PLPPR1: variants seen among roughly 807,000 people sequenced by gnomAD.
PLPPR1 encodes phospholipid phosphatase-related protein type 1.
PLPPR1 carries 10 observed loss-of-function variants against 33.1 expected under a neutral mutation model. The ratio of observed to expected loss-of-function variants is 0.30; its 90% CI spans 0.19 to 0.51. PLPPR1 has a LOEUF of 0.51. Ranked by LOEUF, PLPPR1 falls within the 20% of genes least tolerant of loss-of-function variation. The probability of loss-of-function intolerance (pLI) is 0.97; values close to 1 mark genes in which losing one functional copy is unlikely to be tolerated. For missense variants in PLPPR1, 304 were observed against 408.1 expected, an observed-to-expected ratio of 0.74 and a Z score of 2.20; for synonymous variants, 151 against 151.0, an observed-to-expected ratio of 1.00 and a Z score of 0.00.
intron 3 of PLPPR1, 25 bp downstream of exon 3, chr9:101,270,093 C>G (rs1453324905): frequency 6.2e-7 from 1 of 1,609,386 alleles, no homozygotes; most frequent in Non-Finnish European, 8.5e-7. Flanking sequence ...AGACTTTCCT[C>G]TTTATTGTCA....
chr9:101,222,915 A>T (rs1826975795), intron 2 of PLPPR1, among the ~76,000 whole-genome samples: 1 of 151,878 alleles, frequency 6.6e-6, no homozygotes, highest in African/African-American at 2.4e-5. Context: ...AAGCACCAGG[A>T]CTTTAAGTGT....
intron 1 of PLPPR1, among the ~76,000 whole-genome samples, chr9:101,118,954 T>C (rs953084929): frequency 6.6e-6 from 1 of 152,084 alleles, no homozygotes; most frequent in Non-Finnish European, 1.5e-5. Context: ...CAAATTTGGA[T>C]GACATCCATG....
chr9:101,136,266 C>T (rs1034255415), intron 1 of PLPPR1, among the ~76,000 whole-genome samples: 1 of 152,208 alleles, frequency 6.6e-6, no homozygotes, highest in Non-Finnish European at 1.5e-5. Flanking sequence ...TTGCAAATTG[C>T]TCCAGAGTGC....
chr9:101,275,630 C>G (rs771749839), intron 3 of PLPPR1, among the ~76,000 whole-genome samples: 74 of 152,128 alleles, frequency 4.9e-4, no homozygotes, highest in Non-Finnish European at 1.6e-4. Context: ...CTCATACACT[C>G]AGAGTCAAAG....
chr9:101,075,850 T>C (rs1266318449), intron 1 of PLPPR1, among the ~76,000 whole-genome samples: 1 of 103,930 alleles, frequency 9.6e-6, no homozygotes, highest in African/African-American at 3.7e-5. Flanking sequence ...AGGATTTCCT[T>C]TAGCTGGGGG....
At chr9:101,226,099 G>A (rs1017953007) in intron 2 of PLPPR1, among the ~76,000 whole-genome samples, 9 of 152,098 alleles carry the variant, frequency 5.9e-5, no homozygotes, top group African/African-American at 2.2e-4. Context: ...CTAATTTCCT[G>A]AGCTTACCCT....
intron 2 of PLPPR1, among the ~76,000 whole-genome samples, chr9:101,232,111 A>G (rs1827198347): frequency 6.6e-6 from 1 of 152,100 alleles, no homozygotes; most frequent in African/African-American, 2.4e-5. Context: ...AATGAACAAA[A>G]TATTTGAGTA....
At chr9:101,117,190 A>G (rs1318467560) in intron 1 of PLPPR1, among the ~76,000 whole-genome samples, 1 of 152,140 alleles carries the variant, frequency 6.6e-6, no homozygotes, top group Non-Finnish European at 1.5e-5. Context: ...ACTAGGCTGC[A>G]TTCCCAGGAG....
chr9:101,171,249 A>C (rs1825937594), intron 1 of PLPPR1, among the ~76,000 whole-genome samples: 1 of 152,138 alleles, frequency 6.6e-6, no homozygotes, highest in South Asian at 2.1e-4. Flanking sequence ...CCATAGGAAC[A>C]AAGCTGAAAG....
intron 4 of PLPPR1, among the ~76,000 whole-genome samples, chr9:101,305,038 A>G (rs937659833): frequency 5.3e-5 from 8 of 152,166 alleles, no homozygotes; most frequent in African/African-American, 1.9e-4. Flanking sequence ...GAGCGAACTC[A>G]TCCAGTGGGG....
chr9:101,194,413 T>G (rs1006583919), intron 2 of PLPPR1, among the ~76,000 whole-genome samples: 1 of 152,158 alleles, frequency 6.6e-6, no homozygotes, highest in Non-Finnish European at 1.5e-5. Flanking sequence ...TTTTCTAAGA[T>G]TTGAACAATT....
intron 1 of PLPPR1, among the ~76,000 whole-genome samples, chr9:101,050,290 G>GA (rs917611406): frequency 1.1e-4 from 17 of 150,952 alleles, no homozygotes; most frequent in African/African-American, 2.4e-4. Context: ...TCTTTTTTTG[G>GA]AAAAAAAACA....
At chr9:101,284,021 G>C (rs1828347346) in intron 3 of PLPPR1, among the ~76,000 whole-genome samples, 1 of 152,048 alleles carries the variant, frequency 6.6e-6, no homozygotes, top group Admixed American at 6.6e-5. Context: ...CTTGCACATT[G>C]CTGGTAGAAA....
chr9:101,303,009 CAG>C (rs1428538999), intron 4 of PLPPR1, among the ~76,000 whole-genome samples: 1 of 152,200 alleles, frequency 6.6e-6, no homozygotes, highest in Non-Finnish European at 1.5e-5. Context: ...TTTTTTGAGA[CAG>C]AGTCTCGCTC....
chr9:101,223,336 CA>C (rs11430026), intron 2 of PLPPR1, among the ~76,000 whole-genome samples: 82 of 145,002 alleles, frequency 5.7e-4, no homozygotes, highest in Middle Eastern at 3.5e-3. Context: ...ACCCTGTTTC[CA>C]AAAAAAAAAA....
intron 3 of PLPPR1, among the ~76,000 whole-genome samples, chr9:101,274,956 A>C (rs191522352): frequency 6.6e-6 from 1 of 152,318 alleles, no homozygotes; most frequent in East Asian, 1.9e-4. Context: ...AAAACTGAAA[A>C]ATGAACATTC....
intron 2 of PLPPR1, among the ~76,000 whole-genome samples, chr9:101,224,703 G>A (rs1036699909): frequency 3.9e-5 from 6 of 152,176 alleles, no homozygotes; most frequent in African/African-American, 1.4e-4. Flanking sequence ...TCTGGCTGAA[G>A]TTTGCATGCT....
chr9:101,174,249 G>T (rs868544125), intron 1 of PLPPR1, among the ~76,000 whole-genome samples: 1 of 152,162 alleles, frequency 6.6e-6, no homozygotes, highest in Non-Finnish European at 1.5e-5. Context: ...ACAATTTTTG[G>T]TGGGCTTGTT....
At chr9:101,299,031 G>C (rs1483518618) in intron 4 of PLPPR1, among the ~76,000 whole-genome samples, 1 of 152,164 alleles carries the variant, frequency 6.6e-6, no homozygotes, top group Non-Finnish European at 1.5e-5. Flanking sequence ...ATCTACCCAG[G>C]TAGTCTAAAG....
Sources: allele counts gnomAD v4.1 joint callset (sites outside exome capture counted in the v4.1 genomes callset), GRCh38; gene constraint gnomAD v4.1.1; transcripts MANE v1.5; gene names NCBI Gene and HGNC (gene_info 2026-07-23, HGNC 2026-07-21).